Variants in KTN1 observed in about 807,000 individuals in gnomAD.
KTN1 encodes kinectin 1.
A neutral mutation model predicts 222.5 loss-of-function variants in KTN1; 130 were observed. The ratio of observed to expected loss-of-function variants is 0.58; its 90% confidence interval spans 0.51 to 0.68. The LOEUF (loss-of-function observed/expected upper bound fraction) is 0.68, where lower values mean the gene tolerates loss of function less well. Ranked by LOEUF, KTN1 falls within the 30% of genes least tolerant of loss-of-function variation. The probability of loss-of-function intolerance (pLI) is 0.00; values close to 1 mark genes in which losing one functional copy is unlikely to be tolerated. For missense variants in KTN1, 1,508 were observed against 1,500.4 expected, an observed-to-expected ratio of 1.01 and a Z score of -0.08; for synonymous variants, 512 against 496.3, an observed-to-expected ratio of 1.03 and a Z score of -0.42.
At chr14:55,587,938 T>C (rs2033367602) in intron 1 of KTN1, among the ~76,000 whole-genome samples, 1 of 152,152 alleles carries the variant, frequency 6.6e-6, no homozygotes, top group African/African-American at 2.4e-5. Flanking sequence ...TCTAAATAAT[T>C]GGATTTAGTT....
In KTN1 at chr14:55,648,830, CAAA is replaced by C. The variant is rs1319758513; in HGVS notation, c.2329_2331del (p.Lys777del). 4 of 1,605,254 alleles carry C rather than the reference CAAA, an allele frequency of 2.5e-6. No individual in the cohort carries two copies. Among genetic ancestry groups the C allele is most frequent in the Middle Eastern group, 1.7e-4 (1 of 6,044 alleles). On this transcript the variant is annotated inframe_deletion, in exon 21 of 44. Transcript: ENST00000395314. ...ATAAGAACAGAAAATTCATCTCTGA[CAAA>C]AGAAGTTCAAGACTTAAAAGCTAAG... is the stretch of plus-strand genomic sequence containing the variant.
chr14:55,620,129 A>G (rs2038942909), intron 5 of KTN1, among the ~76,000 whole-genome samples: 1 of 152,208 alleles, frequency 6.6e-6, no homozygotes. Context: ...GTCAAATCTT[A>G]AAGCTCCAAT....
At position 55,658,516 on chromosome 14, in the gene KTN1, G is replaced by C. The variant is rs777434408; in HGVS notation, c.2893-30G>C. The stretch of plus-strand genomic sequence containing the variant: ...AGTTTATGTGGAAAAAATCTGTTTA[G>C]ATACTGATGTTTAATTTTTATTTAA... On this transcript the variant is annotated intron_variant, in intron 29 of 43. Transcript: ENST00000395314. 6.4e-6 allele frequency: 8 copies of C among 1,250,536 alleles called. No homozygotes were observed. The African/African-American group carries it at 1.0e-4, about 16-fold the overall frequency. The allele number at this position is 1,250,536 out of a possible 1,614,324, so 77.5% of individuals were successfully genotyped here. A position where few individuals can be genotyped will look rare whatever the true frequency, so the allele number is the denominator to read the frequency against.
intron 5 of KTN1, among the ~76,000 whole-genome samples, chr14:55,625,069 A>G (rs1344754967): frequency 1.3e-5 from 2 of 152,182 alleles, no homozygotes; most frequent in African/African-American, 4.8e-5. Context: ...GTTATGAGGC[A>G]CTTGAGAGTG....
At chr14:55,649,697 T>G (rs533459329) in intron 21 of KTN1, 79 bp from the exon 22 acceptor site, 8 of 842,842 alleles carry the variant, frequency 9.5e-6, no homozygotes, top group East Asian at 5.2e-5. Context: ...TTGGAAAATC[T>G]AAGGATAATG....
At chr14:55,652,978 A>T (rs374210822) in intron 26 of KTN1, 38 bp downstream of exon 26, 2 of 1,579,410 alleles carry the variant, frequency 1.3e-6, no homozygotes, top group Non-Finnish European at 8.7e-7. Context: ...GCCTTTTTAT[A>T]CTTGACTATC....
At chr14:55,622,913 A>AT (rs1250623130) in intron 5 of KTN1, among the ~76,000 whole-genome samples, 1 of 152,112 alleles carries the variant, frequency 6.6e-6, no homozygotes, top group African/African-American at 2.4e-5. Flanking sequence ...ATCTAATGAC[A>AT]TTTTTTCTTA....
intron 19 of KTN1, among the ~76,000 whole-genome samples, chr14:55,647,254 T>C (rs1482859108): frequency 2.0e-5 from 3 of 152,180 alleles, no homozygotes; most frequent in Non-Finnish European, 4.4e-5. Context: ...CAGACCATGA[T>C]CAAAGATCCC....
intron 1 of KTN1, among the ~76,000 whole-genome samples, chr14:55,586,276 C>G (rs762417642): frequency 3.9e-4 from 59 of 152,260 alleles, no homozygotes; most frequent in Middle Eastern, 6.8e-3. Flanking sequence ...TAGTCAGTAC[C>G]ACTTACTGCA....
intron 6 of KTN1, among the ~76,000 whole-genome samples, chr14:55,628,721 TAAAAA>T (rs1171005362): frequency 6.6e-6 from 1 of 152,046 alleles, no homozygotes; most frequent in Non-Finnish European, 1.5e-5. Flanking sequence ...TTGAAGTAAA[TAAAAA>T]AAGTCAATGG....
chr14:55,650,277 G>GGT (rs770418226), intron 22 of KTN1, 51 bp from the exon 23 acceptor site: 1 of 1,153,326 alleles, frequency 8.7e-7, no homozygotes. Context: ...TTTATATCTT[G>GGT]GTGGGTCTTG....
intron 2 of KTN1, among the ~76,000 whole-genome samples, chr14:55,614,144 G>T: frequency 6.6e-6 from 1 of 152,190 alleles, no homozygotes; most frequent in East Asian, 1.9e-4. Flanking sequence ...CTAGATCATG[G>T]TGGTTTTTGG....
At chr14:55,646,883 A>G (rs2042419222) in intron 18 of KTN1, 90 bp from the exon 19 acceptor site, 3 of 834,980 alleles carry the variant, frequency 3.6e-6, no homozygotes, top group Non-Finnish European at 6.1e-6. Context: ...TAATAACCCT[A>G]AACAATTTTC....
chr14:55,625,030 T>A (rs1243063230), intron 5 of KTN1, among the ~76,000 whole-genome samples: 1 of 152,140 alleles, frequency 6.6e-6, no homozygotes, highest in Non-Finnish European at 1.5e-5. Context: ...TGTTATGTTG[T>A]GTGAGTGCAC....
intron 1 of KTN1, among the ~76,000 whole-genome samples, chr14:55,580,843 T>TA (rs999523472): frequency 7.2e-5 from 11 of 152,200 alleles, no homozygotes; most frequent in East Asian, 5.8e-4. Flanking sequence ...GGGCCACACT[T>TA]ACGCCATGCT....
intron 37 of KTN1, 160 bp downstream of exon 37, chr14:55,672,037 G>A: frequency 1.7e-6 from 1 of 593,652 alleles, no homozygotes; most frequent in Non-Finnish European, 3.0e-6. Flanking sequence ...GAGCCCTCCA[G>A]AATAGTCTAA....
intron 1 of KTN1, among the ~76,000 whole-genome samples, chr14:55,602,978 C>T (rs991741456): frequency 4.6e-5 from 7 of 152,100 alleles, no homozygotes; most frequent in Non-Finnish European, 7.4e-5. Context: ...ATGTCTATAC[C>T]GTCTACCTCC....
chr14:55,589,042 C>T (rs1286181382), intron 1 of KTN1, among the ~76,000 whole-genome samples: 6 of 152,064 alleles, frequency 3.9e-5, no homozygotes, highest in African/African-American at 1.2e-4. Context: ...GTCAGTTATA[C>T]ATTCAAGATT....
intron 18 of KTN1, among the ~76,000 whole-genome samples, chr14:55,644,079 T>G (rs1348333773): frequency 6.6e-6 from 1 of 152,186 alleles, no homozygotes; most frequent in East Asian, 1.9e-4. Context: ...ATTAATAGTC[T>G]AGAAAGCATA....
Sources: allele counts gnomAD v4.1 joint callset (sites outside exome capture counted in the v4.1 genomes callset), GRCh38; gene constraint gnomAD v4.1.1; transcripts MANE v1.5; gene names NCBI Gene and HGNC (gene_info 2026-07-23, HGNC 2026-07-21).